Variants in STK3 observed in about 807,000 individuals in gnomAD.
The protein encoded by STK3 is serine/threonine-protein kinase 3.
STK3 carries 41 observed loss-of-function variants against 58.0 expected under a neutral mutation model. That is an observed-to-expected ratio of 0.71 (90% CI 0.55 to 0.92). STK3 has a LOEUF of 0.92. Ranked by LOEUF, STK3 falls within the 40% of genes least tolerant of loss-of-function variation. STK3 has a pLI of 0.00. For synonymous variants in STK3, 170 were observed against 191.0 expected (o/e 0.89, Z 0.91); for missense variants, 479 against 602.7 (o/e 0.79, Z 2.15).
intron 1 of STK3, among the ~76,000 whole-genome samples, chr8:98,793,768 A>G (rs1179464236): frequency 1.3e-5 from 2 of 152,178 alleles, no homozygotes; most frequent in Non-Finnish European, 2.9e-5. Flanking sequence ...CATGGAAGAT[A>G]CTACGAGATC....
Position 98,669,504 on chromosome 8 carries a change from A to C in STK3, c.684+36963T>G, listed in dbSNP as rs547573538. Among the ~76,000 whole-genome samples, 3 of 152,210 alleles carry C rather than the reference A, an allele frequency of 2.0e-5. No individual in the cohort carries two copies. The East Asian group carries it at 5.8e-4, about 29-fold the overall frequency. On this transcript the variant is annotated intron_variant, in intron 6 of 10. Transcript: ENST00000419617. Reference sequence around the variant, plus strand: ...ATACATTTGACTAATTAGTCAAAGAATAAGAAGGCAGGGGAAAGAAATTTA... The same window carrying C: ...ATACATTTGACTAATTAGTCAAAGACTAAGAAGGCAGGGGAAAGAAATTTA...
At chr8:98,486,193 T>C (rs1160418759) in intron 10 of STK3, among the ~76,000 whole-genome samples, 1 of 152,176 alleles carries the variant, frequency 6.6e-6, no homozygotes, top group Non-Finnish European at 1.5e-5. Flanking sequence ...ACAGGAATAA[T>C]GCACTTGCCT....
chr8:98,699,658 C>T (rs1397182197), intron 6 of STK3, among the ~76,000 whole-genome samples: 12 of 152,194 alleles, frequency 7.9e-5, no homozygotes, highest in Non-Finnish European at 1.0e-4. Flanking sequence ...GTACCAGCAG[C>T]GGTGGCTGCA....
At chr8:98,620,467 A>T (rs998929985) in intron 6 of STK3, among the ~76,000 whole-genome samples, 14 of 147,456 alleles carry the variant, frequency 9.5e-5, no homozygotes, top group African/African-American at 3.4e-4. Flanking sequence ...AAAGTATAAT[A>T]AAAAAAATAA....
intron 1 of STK3, among the ~76,000 whole-genome samples, chr8:98,449,043 T>A (rs536190726): frequency 6.6e-6 from 1 of 152,258 alleles, no homozygotes; most frequent in South Asian, 2.1e-4. Flanking sequence ...TTAATGTGAT[T>A]TGAAAACAGG....
downstream of STK3, among the ~76,000 whole-genome samples, chr8:98,397,021 C>A (rs1228749560): frequency 2.6e-5 from 4 of 152,220 alleles, no homozygotes; most frequent in African/African-American, 9.6e-5. Flanking sequence ...GGAGGTTACA[C>A]TAATTACCGA....
At chr8:98,889,472 C>A (rs182301996) in intron 1 of STK3, among the ~76,000 whole-genome samples, 1 of 152,286 alleles carries the variant, frequency 6.6e-6, no homozygotes, top group East Asian at 1.9e-4. Flanking sequence ...ATATTTTAAA[C>A]CACTCTGTAA....
intron 3 of STK3, among the ~76,000 whole-genome samples, chr8:98,862,271 T>C (rs761498256): frequency 6.6e-6 from 1 of 152,210 alleles, no homozygotes; most frequent in African/African-American, 2.4e-5. Context: ...CCCTTCTTAA[T>C]GCAGGAAGCT....
Position 98,738,872 on chromosome 8 carries a change from C to A in STK3, c.351+10404G>T, listed in dbSNP as rs184938411. On this transcript the variant is annotated intron_variant, in intron 4 of 10. Transcript: ENST00000419617. ...GGGTGACAGAGGGCACCTGGAAAAT[C>A]GGGTCACTCCCACCCGAATACTGCG... 1.6e-3 allele frequency among the ~76,000 whole-genome samples: 248 copies of A among 152,336 alleles called. 2 individuals are homozygous for A. The highest frequency in any genetic ancestry group is 3.4e-3 in the Middle Eastern group (1 of 294).
chr8:98,754,377 A>G (rs1254080707), intron 3 of STK3, among the ~76,000 whole-genome samples: 1 of 151,540 alleles, frequency 6.6e-6, no homozygotes, highest in Non-Finnish European at 1.5e-5. Flanking sequence ...CCAAGCCCAC[A>G]CTCCTTTGAG....
chr8:98,419,358 C>T (rs1818147002), intron 3 of STK3, among the ~76,000 whole-genome samples: 1 of 150,854 alleles, frequency 6.6e-6, no homozygotes, highest in Admixed American at 6.6e-5. Context: ...GAGACTCCAT[C>T]TCAAAAAAAA....
intron 6 of STK3, among the ~76,000 whole-genome samples, chr8:98,689,848 C>A (rs1824265151): frequency 1.3e-5 from 2 of 152,074 alleles, no homozygotes; most frequent in Non-Finnish European, 2.9e-5. Flanking sequence ...AATTCACCAC[C>A]ATCAAGTGGG....
At position 98,705,417 on chromosome 8, in the gene STK3, GA is replaced by G. The variant is rs11389041; in HGVS notation, c.684+1049del. 2.1e-3 allele frequency among the ~76,000 whole-genome samples: 230 copies of G among 107,644 alleles called. 3 individuals carry two copies. Among genetic ancestry groups the G allele is most frequent in the Middle Eastern group, 0.01 (2 of 196 alleles). 70.6% of individuals were successfully genotyped at this position (107,644 alleles called of 152,430 possible). A position where few individuals can be genotyped will look rare whatever the true frequency, so the allele number is the denominator to read the frequency against. Reference sequence around the variant, plus strand: ...GACAGAGTGAGACCTTATCTCAAAAGAAAAAAAAAAAAAACTCTCTTTAAAA... The same window carrying G: ...GACAGAGTGAGACCTTATCTCAAAAGAAAAAAAAAAAAACTCTCTTTAAAA... On this transcript the variant is annotated intron_variant, in intron 6 of 10. Transcript: ENST00000419617.
At chr8:98,762,148 A>T (rs571146483) in intron 3 of STK3, among the ~76,000 whole-genome samples, 49 of 152,218 alleles carry the variant, frequency 3.2e-4, no homozygotes, top group Non-Finnish European at 7.1e-4. Context: ...ATCCCATCAC[A>T]GCTGTTACCA....
chr8:98,567,329 C>G (rs1406289468), intron 8 of STK3, among the ~76,000 whole-genome samples: 1 of 152,174 alleles, frequency 6.6e-6, no homozygotes, highest in Admixed American at 6.5e-5. Flanking sequence ...TCCTGAGTAG[C>G]TGGGACTACA....
chr8:98,827,636 TG>T (rs1835364145), upstream of STK3, among the ~76,000 whole-genome samples: 1 of 152,174 alleles, frequency 6.6e-6, no homozygotes, highest in African/African-American at 2.4e-5. Context: ...ACTCTAATTC[TG>T]AGAACAAGAA....
intron 6 of STK3, chr8:98,602,281 C>A (rs1462436786): frequency 1.3e-5 from 2 of 152,178 alleles, no homozygotes; most frequent in African/African-American, 4.8e-5. Context: ...GAAGGTGGGG[C>A]CTTTGGGAGG....
chr8:98,589,766 A>C (rs923079532), intron 7 of STK3, among the ~76,000 whole-genome samples: 1 of 151,848 alleles, frequency 6.6e-6, no homozygotes, highest in African/African-American at 2.4e-5. Flanking sequence ...TGGGCATAGG[A>C]CCCTCTGAGC....
intron 10 of STK3, among the ~76,000 whole-genome samples, chr8:98,480,756 T>C (rs1290694244): frequency 1.3e-5 from 2 of 152,076 alleles, no homozygotes; most frequent in Non-Finnish European, 2.9e-5. Context: ...ACCCTCCCAG[T>C]GAAATCAAAC....
Sources: allele counts gnomAD v4.1 joint callset (sites outside exome capture counted in the v4.1 genomes callset), GRCh38; gene constraint gnomAD v4.1.1; transcripts MANE v1.5; gene names NCBI Gene and HGNC (gene_info 2026-07-23, HGNC 2026-07-21).